The following COL23A1 variants were observed in gnomAD, a reference collection of about 807,000 sequenced individuals.
COL23A1 encodes collagen type XXIII alpha 1 chain.
A neutral mutation model predicts 99.3 loss-of-function variants in COL23A1; 97 were observed. The ratio of observed to expected loss-of-function variants is 0.98; its 90% CI spans 0.83 to 1.16. The LOEUF is 1.16. Ranked by LOEUF, COL23A1 falls within the 50% of genes most tolerant of loss-of-function variation. COL23A1 has a pLI of 0.00. For synonymous variants in COL23A1, 320 were observed against 308.2 expected (o/e 1.04, Z -0.40); for missense variants, 762 against 757.4 (o/e 1.01, Z -0.07).
intron 2 of COL23A1, among the ~76,000 whole-genome samples, chr5:178,466,151 C>T (rs372786116): frequency 5.9e-5 from 9 of 152,160 alleles, no homozygotes; most frequent in African/African-American, 1.2e-4. Flanking sequence ...CTCCCATCTT[C>T]GCCGGTGTTG....
intron 3 of COL23A1, among the ~76,000 whole-genome samples, chr5:178,302,421 CGCCGGAGCACGGCTTCAA>C (rs1561842085): frequency 1.4e-4 from 13 of 95,598 alleles, no homozygotes; most frequent in African/African-American, 6.0e-4. Context: ...CCTGTGTGTG[CGCCGGAGCACGGCTTCAA>C]TCCACCTCTG....
At chr5:178,574,142 A>G (rs1763237270) in intron 1 of COL23A1, among the ~76,000 whole-genome samples, 1 of 152,180 alleles carries the variant, frequency 6.6e-6, no homozygotes, top group East Asian at 1.9e-4. Flanking sequence ...TCCAGGCATG[A>G]GCCACCGCAC....
chr5:178,295,229 A>G (rs1326264963), intron 3 of COL23A1, among the ~76,000 whole-genome samples: 2 of 152,210 alleles, frequency 1.3e-5, no homozygotes, highest in African/African-American at 2.4e-5. Flanking sequence ...CTCATGTCAC[A>G]AAGGCTAGAT....
chr5:178,288,411 TA>T, intron 4 of COL23A1, 61 bp from the exon 5 acceptor site: 1 of 1,441,906 alleles, frequency 6.9e-7, no homozygotes, highest in Non-Finnish European at 9.8e-7. Context: ...TGGCAACACT[TA>T]GAGCTCAATC....
chr5:178,514,718 C>G (rs888323514), intron 2 of COL23A1, among the ~76,000 whole-genome samples: 1 of 152,162 alleles, frequency 6.6e-6, no homozygotes, highest in Non-Finnish European at 1.5e-5. Flanking sequence ...GTGGGCAGCA[C>G]AGAAAAATCT....
At chr5:178,343,743 A>G (rs1234876599) in intron 2 of COL23A1, among the ~76,000 whole-genome samples, 1 of 151,336 alleles carries the variant, frequency 6.6e-6, no homozygotes, top group Non-Finnish European at 1.5e-5. Context: ...GCTCACTGCA[A>G]CCTCTGCCTC....
intron 2 of COL23A1, among the ~76,000 whole-genome samples, chr5:178,348,425 C>T (rs1761112597): frequency 6.6e-6 from 1 of 152,228 alleles, no homozygotes; most frequent in South Asian, 2.1e-4. Context: ...CCCATCCTGT[C>T]TCCCCCACCC....
intron 9 of COL23A1, among the ~76,000 whole-genome samples, chr5:178,262,988 A>G (rs1299299543): frequency 6.6e-6 from 1 of 151,872 alleles, no homozygotes; most frequent in Non-Finnish European, 1.5e-5. Flanking sequence ...GTCTGGGTTG[A>G]AGTTAGGGTT....
At position 178,306,171 on chromosome 5, in the gene COL23A1, G is replaced by C. The variant is rs937120673; in HGVS notation, c.406+704C>G. Among the ~76,000 whole-genome samples the C allele has an allele frequency of 6.6e-6, 1 of 152,136 alleles. No individual in the cohort carries two copies. The highest frequency in any genetic ancestry group is 2.4e-5 in the African/African-American group (1 of 41,422). On this transcript the variant is annotated intron_variant, in intron 3 of 28. Transcript: ENST00000390654. The surrounding 1 kb of genome is among the most constrained non-coding windows in gnomAD (Gnocchi z 4.1). The stretch of plus-strand genomic sequence containing the variant: ...ACAGATGAGGGAGGAAGCGCAGGGA[G>C]GAAGCGCAGCCCAGACAGCCGGGAC...
intron 2 of COL23A1, among the ~76,000 whole-genome samples, chr5:178,481,617 G>A (rs1321602323): frequency 1.3e-5 from 2 of 152,114 alleles, no homozygotes; most frequent in African/African-American, 4.8e-5. Context: ...GTAAACACGT[G>A]AAAAGATGCT....
chr5:178,297,292 G>A (rs755349077), intron 3 of COL23A1, among the ~76,000 whole-genome samples: 17 of 152,244 alleles, frequency 1.1e-4, no homozygotes, highest in Non-Finnish European at 1.9e-4. Flanking sequence ...AGGCCGAGGC[G>A]GGTGGATCAC....
intron 1 of COL23A1, among the ~76,000 whole-genome samples, chr5:178,578,789 G>T (rs1249668083): frequency 6.6e-6 from 1 of 151,478 alleles, no homozygotes; most frequent in African/African-American, 2.4e-5. Flanking sequence ...GCATTTCGCC[G>T]TGTTGCCGCC....
At chr5:178,418,061 C>T (rs1406383151) in intron 2 of COL23A1, among the ~76,000 whole-genome samples, 1 of 152,226 alleles carries the variant, frequency 6.6e-6, no homozygotes, top group Admixed American at 6.5e-5. Flanking sequence ...GACCCAGTGT[C>T]TGGAGGACTT....
At chr5:178,494,723 C>A (rs938191949) in intron 2 of COL23A1, among the ~76,000 whole-genome samples, 1 of 152,288 alleles carries the variant, frequency 6.6e-6, no homozygotes, top group Admixed American at 6.5e-5. Flanking sequence ...AACAAGAAGG[C>A]TCTGCTCCCC....
At chr5:178,252,735 C>T in intron 16 of COL23A1, 138 bp from the exon 17 acceptor site, 1 of 685,732 alleles carries the variant, frequency 1.5e-6, no homozygotes, top group Non-Finnish European at 2.4e-6. Context: ...ACTGCTTCTT[C>T]CCCAGTCAGG....
chr5:178,403,131 TAAAAAATA>T, intron 2 of COL23A1, among the ~76,000 whole-genome samples: 1 of 74,308 alleles, frequency 1.3e-5, no homozygotes, highest in African/African-American at 4.4e-5. Flanking sequence ...AATAAATAAA[TAAAAAATA>T]AATACCATTT....
At chr5:178,322,034 C>T (rs2127629289) in intron 2 of COL23A1, among the ~76,000 whole-genome samples, 1 of 151,670 alleles carries the variant, frequency 6.6e-6, no homozygotes, top group South Asian at 2.1e-4. Context: ...GCTCTGTCAC[C>T]CAGGCTGAAG....
At chr5:178,242,226 G>A in intron 26 of COL23A1, 98 bp from the exon 27 acceptor site, 2 of 1,461,816 alleles carry the variant, frequency 1.4e-6, no homozygotes, top group South Asian at 2.4e-5. Context: ...GCCTCCCCCT[G>A]CCTCCGCCCA....
chr5:178,554,977 A>T (rs897783042), intron 2 of COL23A1, among the ~76,000 whole-genome samples: 7 of 152,328 alleles, frequency 4.6e-5, no homozygotes, highest in African/African-American at 1.7e-4. Flanking sequence ...GGTGCCCCTT[A>T]AACAATAACT....
Sources: gnomAD v4.1 joint callset for allele counts (sites outside exome capture counted in the v4.1 genomes callset) on GRCh38, gnomAD v4.1.1 for gene constraint, Gnocchi (gnomAD v3.1) non-coding constraint, MANE v1.5 for transcripts, NCBI Gene and HGNC (gene_info 2026-07-23, HGNC 2026-07-21) for gene names.